APOOL: variants seen among roughly 807,000 people sequenced by gnomAD.
The protein encoded by APOOL is MICOS complex subunit MIC27.
APOOL carries 12 observed loss-of-function variants against 23.1 expected under a neutral mutation model. That is an observed-to-expected ratio of 0.52 (90% confidence interval 0.33 to 0.84). The LOEUF is 0.84. Ranked by LOEUF, APOOL falls within the 40% of genes least tolerant of loss-of-function variation. APOOL has a pLI of 0.02. For synonymous variants in APOOL, 77 were observed against 69.9 expected (o/e 1.10, Z -0.51); for missense variants, 212 against 199.6 (o/e 1.06, Z -0.37).
chrX:85,041,490 A>G (rs1922398172), intron 1 of APOOL, among the ~76,000 whole-genome samples: 1 of 111,478 alleles, frequency 9.0e-6, no homozygotes, highest in Non-Finnish European at 1.9e-5. Context: ...CTTTGCCTAG[A>G]CAGGTATAGC....
chrX:85,038,879 G>A (rs185030273), intron 1 of APOOL, among the ~76,000 whole-genome samples: 272 of 108,936 alleles, frequency 2.5e-3, no homozygotes, highest in Middle Eastern at 0.019. Flanking sequence ...CTTTTGTGTC[G>A]TTTTTCACAT....
At chrX:85,019,922 G>A (rs1481104933) in intron 1 of APOOL, among the ~76,000 whole-genome samples, 1 of 111,989 alleles carries the variant, frequency 8.9e-6, no homozygotes, top group Non-Finnish European at 1.9e-5. Flanking sequence ...AGTGATAGCT[G>A]TGACTTAAGC....
intron 1 of APOOL, among the ~76,000 whole-genome samples, chrX:85,018,967 G>A (rs754433930): frequency 1.1e-4 from 12 of 111,159 alleles, no homozygotes; most frequent in East Asian, 2.8e-4. Context: ...GCAGCCTTAC[G>A]TTTATATGTG....
chrX:85,065,842 A>G (rs1389791114), intron 5 of APOOL, among the ~76,000 whole-genome samples: 1 of 111,245 alleles, frequency 9.0e-6, no homozygotes, highest in Non-Finnish European at 1.9e-5. Context: ...ATAATGGAAT[A>G]ATAGCAAGCA....
At chrX:85,031,615 T>C (rs776222769) in intron 1 of APOOL, among the ~76,000 whole-genome samples, 1 of 111,083 alleles carries the variant, frequency 9.0e-6, no homozygotes, top group South Asian at 3.9e-4. Context: ...TCAATAATTA[T>C]TTTTTTGAGT....
intron 8 of APOOL, among the ~76,000 whole-genome samples, chrX:85,079,575 G>C (rs60116509): frequency 3.6e-5 from 4 of 111,459 alleles, no homozygotes; most frequent in Non-Finnish European, 5.6e-5. Flanking sequence ...TCTCTGCCAG[G>C]GTTTGGTATC....
intron 8 of APOOL, among the ~76,000 whole-genome samples, chrX:85,074,664 A>T (rs5922144): frequency 9.2e-6 from 1 of 108,425 alleles, no homozygotes; most frequent in Non-Finnish European, 1.9e-5. Flanking sequence ...AACTTTATAA[A>T]TTTGAGCTAT....
intron 8 of APOOL, among the ~76,000 whole-genome samples, chrX:85,080,653 C>T (rs1331614707): frequency 7.2e-5 from 8 of 111,024 alleles, no homozygotes; most frequent in Non-Finnish European, 1.5e-4. Context: ...CCTTGTTAAC[C>T]TTCTGTGTCA....
chrX:85,013,845 T>G (rs1921372184), intron 1 of APOOL, among the ~76,000 whole-genome samples: 1 of 111,690 alleles, frequency 9.0e-6, no homozygotes, highest in African/African-American at 3.2e-5. Flanking sequence ...TGTTCTAGGA[T>G]GTAGTTTAAA....
chrX:85,031,473 T>C (rs1922036415), intron 1 of APOOL, among the ~76,000 whole-genome samples: 1 of 111,979 alleles, frequency 8.9e-6, no homozygotes, highest in Non-Finnish European at 1.9e-5. Context: ...TATAATGTTA[T>C]ATTTGTTAAA....
At chrX:85,027,409 G>A (rs774518601) in intron 1 of APOOL, among the ~76,000 whole-genome samples, 9 of 110,894 alleles carry the variant, frequency 8.1e-5, no homozygotes, top group African/African-American at 2.6e-4. Context: ...ACTATATAAC[G>A]GACGTTTTAG....
intron 5 of APOOL, among the ~76,000 whole-genome samples, chrX:85,058,126 T>C (rs768650870): frequency 2.0e-4 from 22 of 111,278 alleles, no homozygotes; most frequent in Non-Finnish European, 3.4e-4. Flanking sequence ...ATTTGTTACA[T>C]AGGTAAATGT....
chrX:85,052,102 C>T (rs745744404), intron 3 of APOOL, among the ~76,000 whole-genome samples: 51 of 112,323 alleles, frequency 4.5e-4, no homozygotes, highest in Non-Finnish European at 7.7e-4. Flanking sequence ...ATTGAACCTA[C>T]TCTACCACTA....
chrX:85,082,419 G>A (rs941155509), intron 8 of APOOL, among the ~76,000 whole-genome samples: 2 of 110,772 alleles, frequency 1.8e-5, no homozygotes, highest in African/African-American at 6.6e-5. Context: ...TATACCGAGC[G>A]GAGGCTGCAG....
In APOOL at chrX:85,092,647, A is replaced by G; in HGVS notation, c.*4969A>G. On this transcript the variant is annotated 3_prime_UTR_variant, in exon 9 of 9. Coordinates refer to ENST00000373173, the MANE Select transcript of APOOL (RefSeq NM_198450.6). ...ATATATTTTATTGAAGGTCTACTCT[A>G]TGCAAGACACTATGTGTGAATAATA... The G allele has an allele frequency of 3.5e-6, 3 of 850,815 alleles. No individual in the cohort carries two copies. The highest frequency in any genetic ancestry group is 3.0e-5 in the South Asian group (1 of 33,615). The allele number at this position is 850,815 out of a possible 1,213,427, so 70.1% of individuals were successfully genotyped here. A position where few individuals can be genotyped will look rare whatever the true frequency, so the allele number is the denominator to read the frequency against.
chrX:85,016,728 A>G (rs1160654764), intron 1 of APOOL, among the ~76,000 whole-genome samples: 1 of 111,879 alleles, frequency 8.9e-6, no homozygotes, highest in Non-Finnish European at 1.9e-5. Flanking sequence ...CTGTTGGGGT[A>G]TAGGTGTAGA....
intron 1 of APOOL, among the ~76,000 whole-genome samples, chrX:85,004,634 G>C (rs751978069): frequency 3.6e-5 from 4 of 111,699 alleles, no homozygotes; most frequent in Non-Finnish European, 7.5e-5. Flanking sequence ...ATTCAGTTCC[G>C]CTGAAGTTTT....
At chrX:85,058,253 G>T (rs1923048832) in intron 5 of APOOL, among the ~76,000 whole-genome samples, 2 of 109,421 alleles carry the variant, frequency 1.8e-5, no homozygotes, top group African/African-American at 6.7e-5. Context: ...GCCCCAGTGT[G>T]TGTTGTTCCC....
intron 2 of APOOL, among the ~76,000 whole-genome samples, chrX:85,048,208 T>G (rs1467215746): frequency 9.0e-6 from 1 of 111,377 alleles, no homozygotes; most frequent in Non-Finnish European, 1.9e-5. Flanking sequence ...GGCACTGTTC[T>G]AATTACTAGA....
Sources: gnomAD v4.1 joint callset for allele counts (sites outside exome capture counted in the v4.1 genomes callset) on GRCh38, gnomAD v4.1.1 for gene constraint, MANE v1.5 for transcripts, NCBI Gene and HGNC (gene_info 2026-07-23, HGNC 2026-07-21) for gene names.